Variants in ARHGEF10 observed in about 807,000 individuals in gnomAD.
ARHGEF10 encodes Rho guanine nucleotide exchange factor 10.
Under a neutral mutation model 147.4 loss-of-function variants are expected in ARHGEF10, and 140 were observed. The observed-to-expected ratio is 0.95, with a 90% CI of 0.83 to 1.09. The LOEUF is 1.09. Ranked by LOEUF, ARHGEF10 falls within the 50% of genes least tolerant of loss-of-function variation. The pLI is 0.00. For missense variants in ARHGEF10, 2,222 were observed against 1,752.7 expected, an observed-to-expected ratio of 1.27 and a Z score of -4.78; for synonymous variants, 902 against 695.8, an observed-to-expected ratio of 1.30 and a Z score of -4.67.
chr8:1,876,494 TA>T, intron 7 of ARHGEF10, 76 bp from the exon 8 acceptor site: 1 of 1,463,106 alleles, frequency 6.8e-7, no homozygotes, highest in Non-Finnish European at 9.6e-7. Context: ...GATGATTTGG[TA>T]AAACCACAAA....
chr8:1,864,540 G>C, intron 5 of ARHGEF10, 104 bp downstream of exon 5: 1 of 1,243,766 alleles, frequency 8.0e-7, no homozygotes, highest in Non-Finnish European at 1.2e-6. Flanking sequence ...CCTCAGCTCT[G>C]CGCGGCGGGA....
intron 4 of ARHGEF10, among the ~76,000 whole-genome samples, chr8:1,862,250 G>A (rs957650498): frequency 6.6e-6 from 1 of 152,384 alleles, no homozygotes; most frequent in African/African-American, 2.4e-5. Flanking sequence ...GCCTGGCTCT[G>A]CAGGGCTTCC....
rs757853077 is a variant in ARHGEF10 at position 1,896,422 on chromosome 8, A to C, written c.1530A>C (p.Thr510=). ...AVAVLKKTCA[T]KPAFLEFLKQ... ...CAGTCCTCAAGAAAACATGTGCCAC[A>C]AAGCCCGCTTTTCTTGAATTTTTAA... Residue 510 remains threonine, a synonymous_variant, in exon 14 of 29, where the codon ACA becomes ACC. Transcript: ENST00000349830. 4 of 1,613,948 alleles carry C rather than the reference A, an allele frequency of 2.5e-6. No individual in the cohort carries two copies. Among genetic ancestry groups the C allele is most frequent in the Non-Finnish European group, 3.4e-6 (4 of 1,179,988 alleles).
At position 1,913,617 on chromosome 8, in the gene ARHGEF10, C is replaced by T. The variant is rs114320381; in HGVS notation, c.2143+4147C>T. Among the ~76,000 whole-genome samples the T allele has an allele frequency of 6.0e-3, 916 of 152,328 alleles. 11 individuals carry two copies. The highest frequency in any genetic ancestry group is 0.021 in the African/African-American group (881 of 41,576). On this transcript the variant is annotated intron_variant, in intron 18 of 28. Transcript: ENST00000349830. ...CAGCATCTACCTGGTCCAATACCAG[C>T]GTCCCGTCCCTGCACTGGCAGCTTG...
In ARHGEF10 at chr8:1,945,536, C is replaced by G; in HGVS notation, c.3278C>G (p.Ser1093Cys). Residue 1093 changes from serine (S) to cysteine (C), a missense_variant, in exon 27 of 29, where the codon TCC becomes TGC. Ser to Cys is a moderately radical substitution (Grantham distance 112, BLOSUM62 -1). Coordinates refer to ENST00000349830, the MANE Select transcript of ARHGEF10 (RefSeq NM_014629.4). Reference protein sequence around the residue: ...EGMVISHMAVSGVGIWIAFTS... With the variant: ...EGMVISHMAVCGVGIWIAFTS... ...ATGGTGATCTCCCACATGGCCGTGT[C>G]CGGCGTCGGGATCTGGATTGCCTTC... is the stretch of plus-strand genomic sequence containing the variant. The G allele has an allele frequency of 6.2e-7, 1 of 1,614,088 alleles. No homozygotes were observed. Among genetic ancestry groups the G allele is most frequent in the Non-Finnish European group, 8.5e-7 (1 of 1,179,962 alleles).
chr8:1,853,831 C>T (rs1410788193), intron 2 of ARHGEF10, among the ~76,000 whole-genome samples: 1 of 152,106 alleles, frequency 6.6e-6, no homozygotes, highest in Non-Finnish European at 1.5e-5. Flanking sequence ...GGAGTTCCTG[C>T]AGCTGCACTG....
intron 26 of ARHGEF10, chr8:1,943,589 G>A (rs1341154689): frequency 6.6e-6 from 1 of 152,212 alleles, no homozygotes; most frequent in African/African-American, 2.4e-5. Context: ...ATCCTGTGAA[G>A]CTTCAGTTCA....
At chr8:1,939,540 T>A (rs1813907534) in intron 26 of ARHGEF10, among the ~76,000 whole-genome samples, 1 of 152,216 alleles carries the variant, frequency 6.6e-6, no homozygotes, top group East Asian at 1.9e-4. Flanking sequence ...ACTACGAGTT[T>A]CACGACGGCA....
rs777693414 is a variant in ARHGEF10, at chr8:1,957,107, C to G, written c.3879C>G (p.Ser1293Arg). 5.0e-6 allele frequency: 8 copies of G among 1,613,216 alleles called. No homozygotes were observed. Among genetic ancestry groups the G allele is most frequent in the Non-Finnish European group, 6.8e-6 (8 of 1,180,032 alleles). ...TGAAGGATCCTGTCTCGCTGAGAAG[C>G]AAAGCACGCCGGGCCAAGAAAGCCA... ...DLLKDPVSLR[S>R]KARRAKKAKA... Residue 1293 changes from serine to arginine, a missense_variant, in exon 29 of 29, where the codon AGC (serine) becomes AGG (arginine). By Grantham distance (110) the Ser-to-Arg change is moderately radical. Coordinates refer to ENST00000349830, the MANE Select transcript of ARHGEF10 (RefSeq NM_014629.4).
Position 1,876,632 on chromosome 8 carries a change from C to T in ARHGEF10, c.741C>T (p.Tyr247=), listed in dbSNP as rs541261524. The T allele has an allele frequency of 1.4e-5, 22 of 1,614,084 alleles. 1 individual carries two copies. Among genetic ancestry groups the T allele is most frequent in the East Asian group, 6.7e-5 (3 of 44,886 alleles). ...AAGGTGGAAACAGCTCCTTGGAATACGGATGGAGTTCGAGTGAATTTGAAA... is the reference window on the plus strand; with the variant it reads ...AAGGTGGAAACAGCTCCTTGGAATATGGATGGAGTTCGAGTGAATTTGAAA... ...GDEGGNSSLE[Y]GWSSSEFESY... Residue 247 remains tyrosine, a synonymous_variant, in exon 8 of 29, where the codon TAC becomes TAT. Transcript: ENST00000349830.
At chr8:1,825,728 A>C (rs1802733759) in intron 1 of ARHGEF10, among the ~76,000 whole-genome samples, 1 of 152,066 alleles carries the variant, frequency 6.6e-6, no homozygotes, top group African/African-American at 2.4e-5. Context: ...CTGTTGTCTG[A>C]TATTGATTCC....
At chr8:1,863,781 C>G (rs145627098) in intron 4 of ARHGEF10, among the ~76,000 whole-genome samples, 1 of 152,108 alleles carries the variant, frequency 6.6e-6, no homozygotes. Context: ...CACGGCTCAC[C>G]GTTCACCCTG....
chr8:1,907,338 C>G (rs1810977315), intron 17 of ARHGEF10, among the ~76,000 whole-genome samples: 1 of 152,174 alleles, frequency 6.6e-6, no homozygotes, highest in Non-Finnish European at 1.5e-5. Flanking sequence ...TGAATCCACC[C>G]AGCTCCTCAC....
rs550467895 is a variant in ARHGEF10 at position 1,858,049 on chromosome 8, G to T, written c.127G>T (p.Asp43Tyr). 6.2e-7 allele frequency: 1 copy of T among 1,614,156 alleles called. No individual in the cohort carries two copies. Among genetic ancestry groups the T allele is most frequent in the South Asian group, 1.1e-5 (1 of 91,080 alleles). Residue 43 changes from aspartate (D) to tyrosine (Y), a missense_variant, in exon 3 of 29, where the codon GAC becomes TAC. Transcript: ENST00000349830. Reference sequence around the variant, plus strand: ...CAGTGGAGATGAAATCCCAGAAGCGGACAGACAGGCCCCATCCGCCCCTGA... The same window carrying T: ...CAGTGGAGATGAAATCCCAGAAGCGTACAGACAGGCCCCATCCGCCCCTGA... ...FDSGDEIPEA[D>Y]RQAPSAPETG...
At position 1,850,143 on chromosome 8, in the gene ARHGEF10, G is replaced by GCA. The variant is rs1563174301; in HGVS notation, c.37+6707_37+6708insCA. The stretch of plus-strand genomic sequence containing the variant: ...ACACAGAGGGCAAATGCTGAGGAGG[G>GCA]TGTGGGGCGGCCACGTGGACACAGA... On this transcript the variant is annotated intron_variant, in intron 2 of 28. Transcript: ENST00000349830. Among the ~76,000 whole-genome samples the GCA allele has an allele frequency of 2.6e-3, 358 of 137,868 alleles. 34 individuals carry two copies. The highest frequency in any genetic ancestry group is 4.1e-3 in the East Asian group (19 of 4,672). The allele number at this position is 137,868 out of a possible 152,430, so 90.4% of individuals were successfully genotyped here.
At chr8:1,856,284 G>A (rs955017371) in intron 2 of ARHGEF10, among the ~76,000 whole-genome samples, 3 of 152,186 alleles carry the variant, frequency 2.0e-5, no homozygotes, top group African/African-American at 7.2e-5. Flanking sequence ...TGTAAAACTC[G>A]TGAGTGTTGG....
At chr8:1,860,594 A>G (rs1360354295) in intron 4 of ARHGEF10, among the ~76,000 whole-genome samples, 2 of 152,172 alleles carry the variant, frequency 1.3e-5, no homozygotes, top group Non-Finnish European at 2.9e-5. Flanking sequence ...ATCTTCAGTG[A>G]CAGGAACACC....
rs1366795579 is a variant in ARHGEF10, at chr8:1,832,792, ACAGAGG to A, written c.-48+8691_-48+8696del. On this transcript the variant is annotated intron_variant, in intron 1 of 28. Transcript: ENST00000349830. ...GAGACAGAGGCAGAGACAGAGAGAGACAGAGGCAGAGGCAGAGACAGAGGCAGAGAG... is the reference window on the plus strand; with the variant it reads ...GAGACAGAGGCAGAGACAGAGAGAGACAGAGGCAGAGACAGAGGCAGAGAG... Among the ~76,000 whole-genome samples the A allele has an allele frequency of 3.5e-4, 19 of 53,726 alleles. 3 individuals are homozygous for A. The highest frequency in any genetic ancestry group is 4.8e-4 in the Non-Finnish European group (12 of 25,140). 35.2% of individuals were successfully genotyped at this position (53,726 alleles called of 152,430 possible).
chr8:1,934,042 A>C, intron 26 of ARHGEF10, 100 bp downstream of exon 26: 2 of 1,529,074 alleles, frequency 1.3e-6, no homozygotes, highest in Non-Finnish European at 1.8e-6. Context: ...CCTGTGGCTA[A>C]ATTTCCTTCT....
Sources: gnomAD v4.1 joint callset for allele counts (sites outside exome capture counted in the v4.1 genomes callset) on GRCh38, gnomAD v4.1.1 for gene constraint, MANE v1.5 for transcripts, NCBI Gene and HGNC (gene_info 2026-07-23, HGNC 2026-07-21) for gene names.